Variants in SH2D3A observed in about 807,000 individuals in gnomAD.
SH2D3A encodes the protein SH2 domain-containing protein 3A.
Under a neutral mutation model 50.6 loss-of-function variants are expected in SH2D3A, and 46 were observed. The ratio of observed to expected loss-of-function variants is 0.91; its 90% CI spans 0.72 to 1.16. The LOEUF is 1.16. SH2D3A is among the 50% of genes most tolerant of loss of function. The pLI is 0.00. For synonymous variants in SH2D3A, 377 were observed against 348.4 expected, an observed-to-expected ratio of 1.08 and a Z score of -0.91; for missense variants, 783 against 786.2, an observed-to-expected ratio of 1.00 and a Z score of 0.05.
intron 2 of SH2D3A, among the ~76,000 whole-genome samples, chr19:6,762,889 C>T (rs1293696334): frequency 3.3e-5 from 5 of 151,802 alleles, no homozygotes; most frequent in Non-Finnish European, 5.9e-5. Flanking sequence ...AGGTCACATA[C>T]AATATAAATT....
chr19:6,752,594 C>T lies in SH2D3A; in HGVS notation c.1730G>A (p.Ter577=), dbSNP rs866866534. ...GTGTGAAGAAGGGTGTCTGCGCTCTCAGCGGTCAGGCTCCAGGCGCTGCGA... is the reference window on the plus strand; with the variant it reads ...GTGTGAAGAAGGGTGTCTGCGCTCTTAGCGGTCAGGCTCCAGGCGCTGCGA... ...VLSQRLEPDR[*] The change falls in exon 10 of 10, where the codon TGA becomes TAA. Residue 577 remains the stop codon, a stop_retained_variant. Coordinates refer to ENST00000245908, the MANE Select transcript of SH2D3A (RefSeq NM_005490.3). 1 of 1,546,450 alleles carries T rather than the reference C, an allele frequency of 6.5e-7. No homozygotes were observed. Among genetic ancestry groups the T allele is most frequent in the Non-Finnish European group, 8.8e-7 (1 of 1,142,784 alleles).
intron 4 of SH2D3A, chr19:6,757,532 C>G (rs1271740156): frequency 6.6e-6 from 1 of 152,188 alleles, no homozygotes; most frequent in Non-Finnish European, 1.5e-5. Flanking sequence ...TGTTCTGACC[C>G]AAGAGCCTTT....
rs750012016 is a variant in SH2D3A, at chr19:6,754,826, C to A, written c.981+5G>T. ...TGGGGAGGAGCATCCCAGGAGGTGA[C>A]CCACCTGGCAGTCTACCAATAGCAG... On this transcript the variant is annotated splice_donor_5th_base_variant and intron_variant, in intron 5 of 9. Coordinates refer to ENST00000245908, the MANE Select transcript of SH2D3A (RefSeq NM_005490.3). 6.2e-7 allele frequency: 1 copy of A among 1,606,720 alleles called. No individual in the cohort carries two copies. The highest frequency in any genetic ancestry group is 1.1e-5 in the South Asian group (1 of 90,270).
At chr19:6,767,027 C>A (rs1259462543) in intron 1 of SH2D3A, among the ~76,000 whole-genome samples, 5 of 152,054 alleles carry the variant, frequency 3.3e-5, no homozygotes, top group African/African-American at 1.2e-4. Flanking sequence ...GATAGGAGGG[C>A]AATGAGGTTG....
intron 8 of SH2D3A, 69 bp from the exon 9 acceptor site, chr19:6,753,710 G>A: frequency 7.1e-7 from 1 of 1,404,890 alleles, no homozygotes; most frequent in Admixed American, 2.7e-5. Context: ...GTGGAACCTA[G>A]GACAAATGCA....
Position 6,752,404 on chromosome 19 carries a change from C to T in SH2D3A, c.*189G>A. On this transcript the variant is annotated 3_prime_UTR_variant, in exon 10 of 10. Transcript: ENST00000245908. ...TGGAGTCACATTTGAACTCTGGCCTCTGATGCCAGATCTGCAGGTCACATG... is the reference window on the plus strand; with the variant it reads ...TGGAGTCACATTTGAACTCTGGCCTTTGATGCCAGATCTGCAGGTCACATG... 2.2e-6 allele frequency: 1 copy of T among 450,326 alleles called. No homozygotes were observed. 27.9% of individuals were successfully genotyped at this position (450,326 alleles called of 1,614,324 possible). A position where few individuals can be genotyped will look rare whatever the true frequency, so the allele number is the denominator to read the frequency against.
chr19:6,759,449 G>C (rs1233879867), intron 4 of SH2D3A, 145 bp downstream of exon 4: 3 of 725,002 alleles, frequency 4.1e-6, no homozygotes, highest in Non-Finnish European at 7.1e-6. Flanking sequence ...CAAAGTCCCT[G>C]CATGTTTTAA....
In SH2D3A at chr19:6,754,073, G is replaced by C. The variant is rs755651014; in HGVS notation, c.1363C>G (p.Arg455Gly). 6.2e-7 allele frequency: 1 copy of C among 1,609,766 alleles called. No individual in the cohort carries two copies. Among genetic ancestry groups the C allele is most frequent in the South Asian group, 1.1e-5 (1 of 90,788 alleles). The change falls in exon 8 of 10, where the codon CGG becomes GGG. Residue 455 changes from arginine to glycine, a missense_variant. Physicochemically the swap from Arg to Gly is moderately radical, Grantham distance 125. Coordinates refer to ENST00000245908, the MANE Select transcript of SH2D3A (RefSeq NM_005490.3). ...AFEQELKPLM[R>G]ALDEGAGPCD... ...TTACCAGCGCCCTCATCCAGAGCCC[G>C]CATCAGCGGCTTCAGCTCCTGCTCA... is the stretch of plus-strand genomic sequence containing the variant.
intron 2 of SH2D3A, among the ~76,000 whole-genome samples, chr19:6,762,502 CTTTTTTTTTTTT>C (rs35272482): frequency 1.0e-5 from 1 of 98,828 alleles, no homozygotes; most frequent in Non-Finnish European, 1.9e-5. Flanking sequence ...TTCTTCCGGC[CTTTTTTTTTTTT>C]TTTTTTTTTT....
intron 9 of SH2D3A, 192 bp downstream of exon 9, chr19:6,753,264 C>T (rs1415490561): frequency 1.0e-6 from 1 of 985,266 alleles, no homozygotes; most frequent in Non-Finnish European, 1.2e-6. Context: ...CGGCCCTGTT[C>T]CTATCAATAC....
At chr19:6,760,488 G>A (rs10417123) in intron 3 of SH2D3A, 150 bp downstream of exon 3, 57,862 of 619,526 alleles carry the variant, frequency 0.093, 3,004 homozygotes, top group African/African-American at 0.13. Context: ...AACCTGAGAG[G>A]TGGAGGTTGC....
chr19:6,762,272 C>T (rs1970066557), intron 2 of SH2D3A, among the ~76,000 whole-genome samples: 1 of 152,052 alleles, frequency 6.6e-6, no homozygotes, highest in Admixed American at 6.6e-5. Context: ...CAACCTCTGC[C>T]TCCTGGGTTC....
chr19:6,760,828 G>C lies in SH2D3A; in HGVS notation c.229C>G (p.Leu77Val), dbSNP rs368368775. The change falls in exon 3 of 10, where the codon CTC (leucine) becomes GTC (valine). Residue 77 changes from leucine to valine, a missense_variant. By Grantham distance (32) the Leu-to-Val change is conservative. Coordinates refer to ENST00000245908, the MANE Select transcript of SH2D3A (RefSeq NM_005490.3). ...LRPRPGRPTA[L>V]FQLEDEQFPS... The stretch of plus-strand genomic sequence containing the variant: ...AATTGCTCATCCTCCAGTTGAAAGA[G>C]GGCTGTGGGTCGGCCTGGCCGGGGA... 102 of 1,614,162 alleles carry C rather than the reference G, an allele frequency of 6.3e-5. No individual in the cohort carries two copies. Among genetic ancestry groups the C allele is most frequent in the Non-Finnish European group, 8.4e-5 (99 of 1,180,060 alleles).
At chr19:6,753,998 T>C (rs1969490387) in intron 8 of SH2D3A, 54 bp downstream of exon 8, 1 of 1,525,698 alleles carries the variant, frequency 6.6e-7, no homozygotes, top group Non-Finnish European at 8.8e-7. Context: ...GATTGAGTCC[T>C]GTTAAATTTG....
chr19:6,755,555 A>G (rs1390969114), intron 4 of SH2D3A, among the ~76,000 whole-genome samples: 1 of 151,186 alleles, frequency 6.6e-6, no homozygotes, highest in East Asian at 2.0e-4. Flanking sequence ...TTTTTTTTTA[A>G]TTTTATTTTA....
Position 6,753,938 on chromosome 19 carries a change from T to C in SH2D3A, c.1384+114A>G. The stretch of plus-strand genomic sequence containing the variant: ...ACCCTCATGTGGAGGGCGGGGCCTA[T>C]GGTGAAGGGACCGGGCCTAGAACAG... On this transcript the variant is annotated intron_variant, in intron 8 of 9. Coordinates refer to ENST00000245908, the MANE Select transcript of SH2D3A (RefSeq NM_005490.3). 5 of 1,285,320 alleles carry C rather than the reference T, an allele frequency of 3.9e-6. No homozygotes were observed. The South Asian group carries it at 6.3e-5, about 16-fold the overall frequency. 79.6% of individuals were successfully genotyped at this position (1,285,320 alleles called of 1,614,324 possible).
rs139398114 is a variant in SH2D3A at position 6,756,167 on chromosome 19, T to G, written c.497-852A>C. On this transcript the variant is annotated intron_variant, in intron 4 of 9. Coordinates refer to ENST00000245908, the MANE Select transcript of SH2D3A (RefSeq NM_005490.3). ...AGATATATATTATATAAATATATAA[T>G]ATATATTTAAATTAAGTATATGTTA... 5.0e-3 allele frequency among the ~76,000 whole-genome samples: 746 copies of G among 148,064 alleles called. 4 individuals carry two copies. The highest frequency in any genetic ancestry group is 8.1e-3 in the Admixed American group (120 of 14,730).
chr19:6,752,947 G>A, intron 9 of SH2D3A, 194 bp from the exon 10 acceptor site: 1 of 985,354 alleles, frequency 1.0e-6, no homozygotes, highest in Non-Finnish European at 1.2e-6. Context: ...TGGGGGTGGG[G>A]TGCCTGAGGG....
In SH2D3A at chr19:6,753,487, T is replaced by G; in HGVS notation, c.1539A>C (p.Lys513Asn). ...GARHMVRDAP[K>N]FRKVAAQRLR... ...GGCGCTGGGCTGCCACCTTGCGGAA[T>G]TTGGGTGCGTCCCGGACCATGTGAC... Residue 513 changes from lysine (K) to asparagine (N), a missense_variant, in exon 9 of 10, where the codon AAA (lysine) becomes AAC (asparagine). By Grantham distance (94) the Lys-to-Asn change is moderately conservative. Transcript: ENST00000245908. 1 of 1,531,956 alleles carries G rather than the reference T, an allele frequency of 6.5e-7. No individual in the cohort carries two copies. Among genetic ancestry groups the G allele is most frequent in the Non-Finnish European group, 8.8e-7 (1 of 1,135,056 alleles). 94.9% of individuals were successfully genotyped at this position (1,531,956 alleles called of 1,614,324 possible). A position where few individuals can be genotyped will look rare whatever the true frequency, so the allele number is the denominator to read the frequency against.
Sources: allele counts gnomAD v4.1 joint callset (sites outside exome capture counted in the v4.1 genomes callset), GRCh38; gene constraint gnomAD v4.1.1; transcripts MANE v1.5; gene names NCBI Gene and HGNC (gene_info 2026-07-23, HGNC 2026-07-21).